Variants in CNTN6 observed in about 807,000 individuals in gnomAD.
CNTN6 encodes contactin-6.
CNTN6 carries 137 observed loss-of-function variants against 122.8 expected under a neutral mutation model. The ratio of observed to expected loss-of-function variants is 1.12; its 90% CI spans 0.97 to 1.29. The LOEUF is 1.29. CNTN6 is among the 50% of genes most tolerant of loss of function. The probability of loss-of-function intolerance (pLI) is 0.00; values close to 1 mark genes in which losing one functional copy is unlikely to be tolerated. For missense variants in CNTN6, 1,634 were observed against 1,223.4 expected (o/e 1.34, Z -5.01); for synonymous variants, 570 against 426.0 (o/e 1.34, Z -4.16).
intron 1 of CNTN6, among the ~76,000 whole-genome samples, chr3:1,138,176 A>G (rs533616235): frequency 2.6e-5 from 4 of 152,336 alleles, no homozygotes; most frequent in South Asian, 2.1e-4. Flanking sequence ...AGAGAACACA[A>G]TCCCTCTGTG....
chr3:1,094,359 AAG>A (rs1295410670), intron 1 of CNTN6, among the ~76,000 whole-genome samples: 9 of 152,340 alleles, frequency 5.9e-5, no homozygotes, highest in African/African-American at 1.9e-4. Flanking sequence ...TGTAAAAAAA[AAG>A]AAATACAGAA....
intron 12 of CNTN6, among the ~76,000 whole-genome samples, chr3:1,365,753 TCA>T (rs1708130757): frequency 6.6e-6 from 1 of 152,102 alleles, no homozygotes; most frequent in African/African-American, 2.4e-5. Flanking sequence ...TTAGGAATTC[TCA>T]GAGCTTTTAA....
At chr3:1,120,400 G>A (rs1002764766) in intron 1 of CNTN6, among the ~76,000 whole-genome samples, 11 of 151,558 alleles carry the variant, frequency 7.3e-5, no homozygotes, top group African/African-American at 2.7e-4. Flanking sequence ...CATTATTCTG[G>A]GTATGAAGTG....
At chr3:1,244,001 C>G (rs2094524343) in intron 4 of CNTN6, among the ~76,000 whole-genome samples, 1 of 152,070 alleles carries the variant, frequency 6.6e-6, no homozygotes, top group African/African-American at 2.4e-5. Flanking sequence ...TGAAAAATGC[C>G]TGGACGTAAG....
chr3:1,102,792 T>C (rs1430119964), intron 1 of CNTN6, among the ~76,000 whole-genome samples: 2 of 147,722 alleles, frequency 1.4e-5, no homozygotes, highest in East Asian at 4.1e-4. Context: ...GGCTATATAA[T>C]ACACAGAAAA....
chr3:1,378,369 A>G (rs1710183771), intron 17 of CNTN6, among the ~76,000 whole-genome samples: 1 of 152,162 alleles, frequency 6.6e-6, no homozygotes, highest in African/African-American at 2.4e-5. Flanking sequence ...CCTACTTCAC[A>G]TAGCTAGGCT....
rs79907774 is a variant in CNTN6 at position 1,296,676 on chromosome 3, T to C, written c.658+872T>C. Among the ~76,000 whole-genome samples the C allele has an allele frequency of 5.9e-3, 898 of 152,262 alleles. 7 individuals carry two copies. Among genetic ancestry groups the C allele is most frequent in the African/African-American group, 0.02 (847 of 41,546 alleles). ...ACAAGTCCCATAGAAGGAGTTCTTATAATAGAGCTTTTATAATCACTAACC... is the reference window on the plus strand; with the variant it reads ...ACAAGTCCCATAGAAGGAGTTCTTACAATAGAGCTTTTATAATCACTAACC... On this transcript the variant is annotated intron_variant, in intron 6 of 22. Coordinates refer to ENST00000446702, the MANE Select transcript of CNTN6 (RefSeq NM_001289080.2).
intron 4 of CNTN6, among the ~76,000 whole-genome samples, chr3:1,232,982 A>G: frequency 6.6e-6 from 1 of 152,196 alleles, no homozygotes; most frequent in Non-Finnish European, 1.5e-5. Context: ...GGTGGGCAAA[A>G]GACCTGAGAA....
intron 12 of CNTN6, among the ~76,000 whole-genome samples, chr3:1,368,389 A>G (rs1708527493): frequency 6.6e-6 from 1 of 152,210 alleles, no homozygotes; most frequent in African/African-American, 2.4e-5. Flanking sequence ...ATATTGGTGA[A>G]GAGAATCATC....
At chr3:1,114,841 C>T (rs2091643943) in intron 1 of CNTN6, among the ~76,000 whole-genome samples, 1 of 152,060 alleles carries the variant, frequency 6.6e-6, no homozygotes, top group Non-Finnish European at 1.5e-5. Context: ...AAAAGTCACA[C>T]TAAAGTGCTT....
chr3:1,352,405 A>G lies in CNTN6; in HGVS notation c.1446A>G (p.Thr482=). Residue 482 remains threonine (T), a synonymous_variant, in exon 12 of 23, where the codon ACA becomes ACG. Transcript: ENST00000446702. ...CTGGATCATATACATGCATAGCCAC[A>G]AATCAGTTTGGCACTGCAAAGAACA... ...SDAGSYTCIA[T]NQFGTAKNTG... is the part of the protein sequence containing the mutation. 6.2e-7 allele frequency: 1 copy of G among 1,609,312 alleles called. No individual in the cohort carries two copies.
At chr3:1,328,467 C>G (rs1273304890) in intron 10 of CNTN6, among the ~76,000 whole-genome samples, 3 of 151,748 alleles carry the variant, frequency 2.0e-5, no homozygotes, top group Non-Finnish European at 2.9e-5. Flanking sequence ...TTTGCTCATT[C>G]TTTCTATCGC....
chr3:1,291,839 C>T (rs1183644205), intron 5 of CNTN6, among the ~76,000 whole-genome samples: 1 of 151,976 alleles, frequency 6.6e-6, no homozygotes, highest in African/African-American at 2.4e-5. Flanking sequence ...TAGAGACTTG[C>T]AAAAGAAAAT....
At chr3:1,139,216 G>C (rs546551761) in intron 1 of CNTN6, among the ~76,000 whole-genome samples, 3 of 152,200 alleles carry the variant, frequency 2.0e-5, no homozygotes, top group African/African-American at 7.2e-5. Flanking sequence ...TTGCTATCTA[G>C]TCCTTTATGG....
At chr3:1,120,149 G>T (rs535054193) in intron 1 of CNTN6, among the ~76,000 whole-genome samples, 1 of 151,170 alleles carries the variant, frequency 6.6e-6, no homozygotes, top group African/African-American at 2.4e-5. Context: ...TTTCAAGTTT[G>T]GGCTTATTAT....
chr3:1,154,923 A>C (rs2092930064), intron 2 of CNTN6, among the ~76,000 whole-genome samples: 1 of 152,120 alleles, frequency 6.6e-6, no homozygotes, highest in South Asian at 2.1e-4. Flanking sequence ...TCTTATGCTC[A>C]TCAAAATACC....
At chr3:1,324,428 G>C (rs9851718) in intron 8 of CNTN6, among the ~76,000 whole-genome samples, 5,839 of 149,674 alleles carry the variant, frequency 0.039, 967 homozygotes, top group African/African-American at 0.14. Context: ...ACCTGAAGGA[G>C]TGTTGTCTCA....
At chr3:1,356,787 G>T (rs371788675) in intron 12 of CNTN6, among the ~76,000 whole-genome samples, 1 of 151,826 alleles carries the variant, frequency 6.6e-6, no homozygotes, top group Admixed American at 6.6e-5. Context: ...TTAAAAATTA[G>T]TGATGGTAAA....
intron 1 of CNTN6, among the ~76,000 whole-genome samples, chr3:1,115,001 T>C (rs963493315): frequency 2.0e-5 from 3 of 152,138 alleles, no homozygotes; most frequent in African/African-American, 7.2e-5. Flanking sequence ...GACCTTCTTT[T>C]TCTCTCAACC....
Sources: allele counts gnomAD v4.1 joint callset (sites outside exome capture counted in the v4.1 genomes callset), GRCh38; gene constraint gnomAD v4.1.1; transcripts MANE v1.5; gene names NCBI Gene and HGNC (gene_info 2026-07-23, HGNC 2026-07-21).